Variants in GRAMD1B observed in about 807,000 individuals in gnomAD.
GRAMD1B encodes GRAM domain containing 1B.
GRAMD1B carries 37 observed loss-of-function variants against 99.7 expected under a neutral mutation model. The ratio of observed to expected loss-of-function variants is 0.37; its 90% confidence interval spans 0.29 to 0.49. The LOEUF (loss-of-function observed/expected upper bound fraction) is 0.49, where lower values mean the gene tolerates loss of function less well. Among genes scored for constraint, GRAMD1B ranks in the 20% least tolerant of loss-of-function variants. The pLI is 0.98. For missense variants in GRAMD1B, 888 were observed against 1,009.2 expected (o/e 0.88, Z 1.63); for synonymous variants, 427 against 387.6 (o/e 1.10, Z -1.19).
At position 123,626,802 on chromosome 11, in the gene GRAMD1B, GTTTT is replaced by G. The variant is rs1955530598; in HGVS notation, c.*4208_*4211del. ...TGGCCCCAATCCTCTTCACCTCTGT[GTTTT>G]CTTCTAGAAGATGCATTTTGGGTCT... On this transcript the variant is annotated 3_prime_UTR_variant, in exon 20 of 20. Coordinates refer to ENST00000635736, the MANE Select transcript of GRAMD1B (RefSeq NM_001387025.1). 1 of 152,208 alleles carries G rather than the reference GTTTT, an allele frequency of 6.6e-6. No homozygotes were observed. The highest frequency in any genetic ancestry group is 6.5e-5 in the Admixed American group (1 of 15,276). The allele number at this position is 152,208 out of a possible 1,614,324, so 9.4% of individuals were successfully genotyped here.
At chr11:123,446,334 A>T (rs1360252877) in intron 1 of GRAMD1B, among the ~76,000 whole-genome samples, 13 of 151,612 alleles carry the variant, frequency 8.6e-5, no homozygotes, top group African/African-American at 2.7e-4. Context: ...CCCGGCTAAT[A>T]TTTGTGTTTT....
At chr11:123,396,083 T>C (rs920461609) in intron 1 of GRAMD1B, among the ~76,000 whole-genome samples, 9 of 152,150 alleles carry the variant, frequency 5.9e-5, no homozygotes, top group East Asian at 5.8e-4. Context: ...CAGAGGAAAG[T>C]TCCTTTCCCC....
chr11:123,598,565 A>C, intron 7 of GRAMD1B: 1 of 1,554,538 alleles, frequency 6.4e-7, no homozygotes, highest in South Asian at 1.1e-5. Flanking sequence ...AAGAGGTATC[A>C]AGTGACTCTA....
At chr11:123,418,888 G>A (rs1385206768) in intron 1 of GRAMD1B, among the ~76,000 whole-genome samples, 1 of 152,104 alleles carries the variant, frequency 6.6e-6, no homozygotes, top group African/African-American at 2.4e-5. Context: ...AAATGTAAGT[G>A]CTCAGTCTGG....
intron 1 of GRAMD1B, among the ~76,000 whole-genome samples, chr11:123,480,269 G>A (rs1328831231): frequency 6.6e-6 from 1 of 152,104 alleles, no homozygotes; most frequent in African/African-American, 2.4e-5. Flanking sequence ...TGGAGGCAGA[G>A]TAGCAGACTA....
At chr11:123,470,939 G>A (rs1038177861) in intron 1 of GRAMD1B, among the ~76,000 whole-genome samples, 1 of 152,142 alleles carries the variant, frequency 6.6e-6, no homozygotes, top group East Asian at 1.9e-4. Flanking sequence ...ATGAAGCCAC[G>A]AGCCACATAT....
intron 2 of GRAMD1B, among the ~76,000 whole-genome samples, chr11:123,543,193 G>A (rs936822415): frequency 2.0e-5 from 3 of 152,176 alleles, no homozygotes; most frequent in African/African-American, 7.2e-5. Flanking sequence ...CTGAGAGAAC[G>A]CCAACCATAG....
chr11:123,525,892 A>G (rs1341173301), intron 2 of GRAMD1B: 14 of 540,566 alleles, frequency 2.6e-5, no homozygotes, highest in Non-Finnish European at 3.6e-5. Flanking sequence ...AGGCGGCTCC[A>G]GCCCCAGGCT....
chr11:123,391,621 T>C (rs895010727), intron 1 of GRAMD1B, among the ~76,000 whole-genome samples: 1 of 152,162 alleles, frequency 6.6e-6, no homozygotes, highest in Non-Finnish European at 1.5e-5. Context: ...CACGCCTGGC[T>C]AATTTTTGTA....
chr11:123,467,394 C>CTTTTT (rs11447711), intron 1 of GRAMD1B, among the ~76,000 whole-genome samples: 1,184 of 103,274 alleles, frequency 0.011, 38 homozygotes, highest in African/African-American at 0.039. Flanking sequence ...TTTTCAACAC[C>CTTTTT]TTTTTTTTTT....
At chr11:123,609,490 G>A (rs11219207) in intron 12 of GRAMD1B, among the ~76,000 whole-genome samples, 47,088 of 152,072 alleles carry the variant, frequency 0.31, 7,382 homozygotes, top group South Asian at 0.47. Context: ...CTAGGCCCTC[G>A]CCACAGTAAC....
At chr11:123,618,476 C>A (rs1369624659) in intron 17 of GRAMD1B, 1 of 920,928 alleles carries the variant, frequency 1.1e-6, no homozygotes. Flanking sequence ...GTGCCTTCAT[C>A]CCATGCCCCT....
chr11:123,399,241 A>G (rs1565473818), intron 1 of GRAMD1B, among the ~76,000 whole-genome samples: 1 of 152,214 alleles, frequency 6.6e-6, no homozygotes, highest in Non-Finnish European at 1.5e-5. Context: ...AGGTTCATCC[A>G]TGTTGTCCCA....
intron 4 of GRAMD1B, among the ~76,000 whole-genome samples, chr11:123,590,875 A>G (rs1950574437): frequency 6.6e-6 from 1 of 152,154 alleles, no homozygotes; most frequent in South Asian, 2.1e-4. Context: ...CAGACCAACG[A>G]TGAGTCACTC....
intron 2 of GRAMD1B, among the ~76,000 whole-genome samples, chr11:123,569,393 A>C (rs1002163282): frequency 6.6e-6 from 1 of 151,514 alleles, no homozygotes; most frequent in African/African-American, 2.4e-5. Flanking sequence ...TGGGCTTTTC[A>C]CTCCCCTCTA....
At chr11:123,533,095 G>C (rs1038578588) in intron 2 of GRAMD1B, among the ~76,000 whole-genome samples, 1 of 151,940 alleles carries the variant, frequency 6.6e-6, no homozygotes, top group African/African-American at 2.4e-5. Flanking sequence ...TCAGCCTCCC[G>C]AGTAGCTGGG....
rs573957795 is a variant in GRAMD1B, at chr11:123,510,576, A to C, written c.452+29683A>C. ...GGTGTCTTATTTTCCCCAGCCTTCCAGAGGGGTGGTTTGTTCTCCGTGGGT... is the reference window on the plus strand; with the variant it reads ...GGTGTCTTATTTTCCCCAGCCTTCCCGAGGGGTGGTTTGTTCTCCGTGGGT... On this transcript the variant is annotated intron_variant, in intron 2 of 19. Coordinates refer to ENST00000635736, the MANE Select transcript of GRAMD1B (RefSeq NM_001387025.1). The surrounding 1 kb of genome is among the most constrained non-coding windows in gnomAD (Gnocchi z 4.3). Among the ~76,000 whole-genome samples the C allele has an allele frequency of 6.6e-6, 1 of 152,178 alleles. No individual in the cohort carries two copies. Among genetic ancestry groups the C allele is most frequent in the South Asian group, 2.1e-4 (1 of 4,812 alleles).
At chr11:123,463,872 CTCAGGAAGAGCTT>C (rs1950546716) in intron 1 of GRAMD1B, among the ~76,000 whole-genome samples, 1 of 152,158 alleles carries the variant, frequency 6.6e-6, no homozygotes, top group Admixed American at 6.5e-5. Context: ...GTGTAAAGGC[CTCAGGAAGAGCTT>C]TCTGCTGGGG....
At chr11:123,599,479 T>C in intron 7 of GRAMD1B, 1 of 593,424 alleles carries the variant, frequency 1.7e-6, no homozygotes, top group Non-Finnish European at 3.2e-6. Flanking sequence ...CCTCTCGTTG[T>C]TGCTGTTTTT....
Sources: allele counts gnomAD v4.1 joint callset (sites outside exome capture counted in the v4.1 genomes callset), GRCh38; gene constraint gnomAD v4.1.1; non-coding constraint Gnocchi (gnomAD v3.1); transcripts MANE v1.5; gene names NCBI Gene and HGNC (gene_info 2026-07-23, HGNC 2026-07-21).